The following AMY2B variants were observed in gnomAD, a reference collection of about 807,000 sequenced individuals.
AMY2B encodes the protein alpha-amylase 2B.
AMY2B carries 63 observed loss-of-function variants against 59.3 expected under a neutral mutation model. The observed-to-expected ratio is 1.06, with a 90% confidence interval of 0.87 to 1.31. AMY2B has a LOEUF of 1.31. AMY2B is among the 50% of genes most tolerant of loss of function. The probability of loss-of-function intolerance (pLI) is 0.00; values close to 1 mark genes in which losing one functional copy is unlikely to be tolerated. For missense variants in AMY2B, 635 were observed against 626.7 expected, an observed-to-expected ratio of 1.01 and a Z score of -0.14; for synonymous variants, 180 against 198.1, an observed-to-expected ratio of 0.91 and a Z score of 0.77.
chr1:103,574,275 G>T lies in AMY2B; in HGVS notation c.760G>T (p.Gly254Cys). The change falls in exon 5 of 10, where the codon GGT becomes TGT. Residue 254 changes from glycine (G) to cysteine (C), a missense_variant. By Grantham distance (159) the Gly-to-Cys change is radical. Coordinates refer to ENST00000684275, the MANE Select transcript of AMY2B (RefSeq NM_001387437.1). ...TTTCTACTAGGTAATTGATCTGGGTGGTGAGCCAATTAAAAGCAGTGACTA... is the reference window on the plus strand; with the variant it reads ...TTTCTACTAGGTAATTGATCTGGGTTGTGAGCCAATTAAAAGCAGTGACTA... ...FIYQEVIDLG[G>C]EPIKSSDYFG... 2 of 1,611,592 alleles carry T rather than the reference G, an allele frequency of 1.2e-6. No individual in the cohort carries two copies. Among genetic ancestry groups the T allele is most frequent in the Non-Finnish European group, 1.7e-6 (2 of 1,179,670 alleles).
upstream of AMY2B, chr1:103,569,819 T>G (rs1652049583): frequency 4.4e-6 from 2 of 456,770 alleles, no homozygotes; most frequent in Non-Finnish European, 8.8e-6. Flanking sequence ...GCATCACACC[T>G]TCTACAAGGG....
intron 1 of AMY2B, among the ~76,000 whole-genome samples, chr1:103,561,273 T>G (rs1441200975): frequency 1.3e-5 from 2 of 152,136 alleles, no homozygotes; most frequent in African/African-American, 4.8e-5. Flanking sequence ...TTTTTGGTTT[T>G]TTGTTTGTTT....
chr1:103,560,781 A>T (rs1234826151), intron 1 of AMY2B, among the ~76,000 whole-genome samples: 1 of 152,104 alleles, frequency 6.6e-6, no homozygotes, highest in Non-Finnish European at 1.5e-5. Flanking sequence ...TTAATCTTTT[A>T]AAAATTAATC....
chr1:103,562,736 A>G (rs192011219), intron 1 of AMY2B, among the ~76,000 whole-genome samples: 5 of 142,464 alleles, frequency 3.5e-5, no homozygotes, highest in African/African-American at 1.3e-4. Context: ...AATATCTGGT[A>G]TAAATGTGAG....
At chr1:103,570,167 G>T (rs532769149), upstream of AMY2B, 1 of 463,030 alleles carries the variant, frequency 2.2e-6, no homozygotes, top group Non-Finnish European at 4.3e-6. Context: ...ACTGCCGAGC[G>T]GGAGATCAGA....
intron 1 of AMY2B, among the ~76,000 whole-genome samples, chr1:103,556,851 C>G (rs1414955264): frequency 6.6e-6 from 1 of 152,006 alleles, no homozygotes; most frequent in Non-Finnish European, 1.5e-5. Context: ...GACAGCACTT[C>G]CTTTTGTGAG....
At chr1:103,557,051 C>T (rs143638758) in intron 1 of AMY2B, among the ~76,000 whole-genome samples, 2,777 of 152,160 alleles carry the variant, frequency 0.018, 34 homozygotes, top group Middle Eastern at 0.055. Context: ...ATCCCAAGTA[C>T]TTAAGCTGCA....
At chr1:103,571,911 G>C (rs927638772) in intron 1 of AMY2B, 141 bp downstream of exon 1, 9 of 1,574,298 alleles carry the variant, frequency 5.7e-6, no homozygotes, top group Non-Finnish European at 7.7e-6. Flanking sequence ...AAAAAACAAT[G>C]TAGTATTCTT....
chr1:103,569,469 CA>C (rs1205173400), upstream of AMY2B: 5 of 222,710 alleles, frequency 2.2e-5, no homozygotes, highest in African/African-American at 7.1e-5. Flanking sequence ...AAGATTTTAT[CA>C]GTAAGAAAAA....
At chr1:103,566,137 A>G (rs554482790) in intron 2 of AMY2B, among the ~76,000 whole-genome samples, 2 of 151,920 alleles carry the variant, frequency 1.3e-5, no homozygotes, top group South Asian at 4.1e-4. Context: ...AATTTTACCT[A>G]TCTCTTTTCA....
At chr1:103,573,301 T>C (rs1446329825) in intron 3 of AMY2B, 41 bp downstream of exon 3, 4 of 1,612,426 alleles carry the variant, frequency 2.5e-6, no homozygotes, top group Non-Finnish European at 3.4e-6. Context: ...AGGGGTGATA[T>C]ATGCCTTTTC....
At chr1:103,576,260 T>C (rs1652349176) in intron 7 of AMY2B, among the ~76,000 whole-genome samples, 1 of 152,210 alleles carries the variant, frequency 6.6e-6, no homozygotes, top group Non-Finnish European at 1.5e-5. Context: ...CTCCTTCCTC[T>C]GAGTCACACA....
At chr1:103,555,438 T>C (rs1240111006) in intron 1 of AMY2B, among the ~76,000 whole-genome samples, 2 of 152,134 alleles carry the variant, frequency 1.3e-5, no homozygotes, top group African/African-American at 4.8e-5. Flanking sequence ...TTTGTCTGGC[T>C]TTGAGTTTTA....
upstream of AMY2B, among the ~76,000 whole-genome samples, chr1:103,567,656 A>G (rs1455519229): frequency 6.6e-6 from 1 of 152,166 alleles, no homozygotes; most frequent in Non-Finnish European, 1.5e-5. Flanking sequence ...GTTTCTTCCC[A>G]GAAGCAGGGT....
chr1:103,575,178 A>T (rs766023371), intron 5 of AMY2B, 45 bp from the exon 6 acceptor site: 2 of 1,611,544 alleles, frequency 1.2e-6, no homozygotes, highest in Non-Finnish European at 8.5e-7. Context: ...CTCGCAAACT[A>T]TTGTGAAATG....
At position 103,573,219 on chromosome 1, in the gene AMY2B, A is replaced by G. The variant is rs1424639352; in HGVS notation, c.472A>G (p.Thr158Ala). Residue 158 changes from threonine (T) to alanine (A), a missense_variant, in exon 3 of 10, where the codon ACT becomes GCT. Thr to Ala is a moderately conservative substitution (Grantham distance 58, BLOSUM62 0). Coordinates refer to ENST00000684275, the MANE Select transcript of AMY2B (RefSeq NM_001387437.1). ...GWDFNDGKCK[T>A]GSGDIENYND... is the part of the protein sequence containing the mutation. ...GGATTTTAATGATGGTAAATGTAAA[A>G]CTGGAAGTGGAGATATCGAGAACTA... 1.9e-6 allele frequency: 3 copies of G among 1,613,588 alleles called. No homozygotes were observed. Among genetic ancestry groups the G allele is most frequent in the Admixed American group, 3.3e-5 (2 of 59,968 alleles).
upstream of AMY2B, chr1:103,569,410 G>GTA (rs1652028831): frequency 1.5e-5 from 3 of 200,686 alleles, no homozygotes; most frequent in Non-Finnish European, 3.1e-5. Context: ...GTGTGTGTGT[G>GTA]TGTGTGTGTG....
At chr1:103,556,491 G>A (rs1423372489) in intron 1 of AMY2B, among the ~76,000 whole-genome samples, 2 of 152,034 alleles carry the variant, frequency 1.3e-5, no homozygotes, top group African/African-American at 4.8e-5. Context: ...AGTTCTTGAG[G>A]TACAAACTAG....
chr1:103,571,403 A>G, upstream of AMY2B: 3 of 1,251,608 alleles, frequency 2.4e-6, no homozygotes, highest in South Asian at 1.6e-5. Context: ...ATTAATTTCT[A>G]AAAGGTCATT....
Sources: allele counts gnomAD v4.1 joint callset (sites outside exome capture counted in the v4.1 genomes callset), GRCh38; gene constraint gnomAD v4.1.1; transcripts MANE v1.5; gene names NCBI Gene and HGNC (gene_info 2026-07-23, HGNC 2026-07-21).